SRFBP1: variants seen among roughly 807,000 people sequenced by gnomAD.
SRFBP1 encodes the protein serum response factor binding protein 1.
In SRFBP1, 47 loss-of-function variants were observed where a neutral mutation model predicts 45.5. That is an observed-to-expected ratio of 1.03 (90% CI 0.82 to 1.32). The LOEUF is 1.32. Among genes scored for constraint, SRFBP1 ranks in the 40% most tolerant of loss-of-function variants. The pLI, the probability that SRFBP1 is intolerant of heterozygous loss-of-function variation, is 0.00. For missense variants in SRFBP1, 621 were observed against 484.6 expected (o/e 1.28, Z -2.64); for synonymous variants, 203 against 166.3 (o/e 1.22, Z -1.70).
chr5:122,068,174 TA>T (rs10650287), intron 2 of SRFBP1, among the ~76,000 whole-genome samples: 52 of 115,874 alleles, frequency 4.5e-4, no homozygotes, highest in African/African-American at 1.0e-3. Flanking sequence ...TAATAACTAG[TA>T]AAAAAAAAAA....
rs150484901 is a variant in SRFBP1 at position 121,981,834 on chromosome 5, T to C, written c.198+6447T>C. ...GGTATAGCAGTCTGCTTTCATGCCATTCCTGCTGCTTAGTCAGAACTTCTT... is the reference window on the plus strand; with the variant it reads ...GGTATAGCAGTCTGCTTTCATGCCACTCCTGCTGCTTAGTCAGAACTTCTT... On this transcript the variant is annotated intron_variant, in intron 3 of 7. Coordinates refer to ENST00000339397, the MANE Select transcript of SRFBP1 (RefSeq NM_152546.3). 8.5e-3 allele frequency among the ~76,000 whole-genome samples: 1,291 copies of C among 152,130 alleles called. 10 individuals are homozygous for C. Among genetic ancestry groups the C allele is most frequent in the Non-Finnish European group, 0.013 (877 of 67,900 alleles).
chr5:121,972,852 A>G (rs538863893), intron 1 of SRFBP1, among the ~76,000 whole-genome samples: 3 of 152,010 alleles, frequency 2.0e-5, no homozygotes, highest in South Asian at 4.1e-4. Context: ...TGGCTGAGAT[A>G]GAATAGATTA....
intron 2 of SRFBP1, among the ~76,000 whole-genome samples, chr5:122,034,421 A>C (rs1462734016): frequency 6.6e-6 from 1 of 151,914 alleles, no homozygotes; most frequent in Non-Finnish European, 1.5e-5. Context: ...CCTTTTGCTT[A>C]TACTTTTTTT....
chr5:122,015,510 C>T (rs1753177621), intron 4 of SRFBP1, among the ~76,000 whole-genome samples: 1 of 152,184 alleles, frequency 6.6e-6, no homozygotes, highest in Admixed American at 6.5e-5. Flanking sequence ...GAAATGAATG[C>T]CTTTGTAAGA....
intron 2 of SRFBP1, among the ~76,000 whole-genome samples, chr5:122,052,377 G>A (rs1361792468): frequency 6.6e-6 from 1 of 152,106 alleles, no homozygotes; most frequent in African/African-American, 2.4e-5. Flanking sequence ...CTCTTTCAGG[G>A]ATGCCAGTGA....
At chr5:122,004,160 G>A (rs913968390) in intron 4 of SRFBP1, among the ~76,000 whole-genome samples, 1 of 152,164 alleles carries the variant, frequency 6.6e-6, no homozygotes, top group Non-Finnish European at 1.5e-5. Context: ...TAATTTGCTA[G>A]TGAGTTTCTT....
intron 7 of SRFBP1, among the ~76,000 whole-genome samples, chr5:122,024,115 TG>T (rs1753419317): frequency 6.6e-6 from 1 of 152,220 alleles, no homozygotes; most frequent in African/African-American, 2.4e-5. Flanking sequence ...TAGATTCTTT[TG>T]TTCTCTCTGT....
chr5:122,038,289 A>G (rs961718442), intron 2 of SRFBP1, among the ~76,000 whole-genome samples: 1 of 152,192 alleles, frequency 6.6e-6, no homozygotes, highest in Non-Finnish European at 1.5e-5. Context: ...CAAAAGCCCA[A>G]AATATAGGGT....
chr5:122,053,357 C>T (rs1230529575), intron 2 of SRFBP1, among the ~76,000 whole-genome samples: 1 of 152,090 alleles, frequency 6.6e-6, no homozygotes, highest in Non-Finnish European at 1.5e-5. Flanking sequence ...ACTTCAGAGC[C>T]GGAAGCTTTA....
At chr5:121,998,674 A>AAG (rs1554085997) in intron 4 of SRFBP1, among the ~76,000 whole-genome samples, 1 of 151,652 alleles carries the variant, frequency 6.6e-6, no homozygotes, top group Non-Finnish European at 1.5e-5. Context: ...AAAAAAAAAA[A>AAG]AACTAAGATG....
chr5:121,999,440 T>C (rs918791825), intron 4 of SRFBP1, among the ~76,000 whole-genome samples: 2 of 152,146 alleles, frequency 1.3e-5, no homozygotes, highest in South Asian at 4.1e-4. Context: ...ATATATTCTT[T>C]TGGGATATCT....
intron 2 of SRFBP1, among the ~76,000 whole-genome samples, chr5:122,038,276 G>T (rs1265797177): frequency 2.0e-5 from 3 of 152,150 alleles, no homozygotes; most frequent in African/African-American, 7.2e-5. Context: ...CGGGGAAGGA[G>T]CCCAAAAGCC....
chr5:122,041,746 A>G (rs1196546473), intron 2 of SRFBP1, among the ~76,000 whole-genome samples: 1 of 152,174 alleles, frequency 6.6e-6, no homozygotes, highest in African/African-American at 2.4e-5. Context: ...TCAGAATTAT[A>G]TCATCTAAAG....
At chr5:121,986,901 A>G (rs1169691181) in intron 3 of SRFBP1, among the ~76,000 whole-genome samples, 1 of 152,146 alleles carries the variant, frequency 6.6e-6, no homozygotes, top group African/African-American at 2.4e-5. Flanking sequence ...GAGGTAGAAA[A>G]TTTATTCAGG....
intron 3 of SRFBP1, among the ~76,000 whole-genome samples, chr5:121,978,336 A>G (rs549110336): frequency 2.6e-4 from 39 of 152,294 alleles, no homozygotes; most frequent in Non-Finnish European, 5.1e-4. Context: ...AGAACATCCT[A>G]TGATATATCC....
intron 2 of SRFBP1, among the ~76,000 whole-genome samples, chr5:122,050,961 A>G (rs572324424): frequency 1.9e-4 from 29 of 152,114 alleles, no homozygotes; most frequent in African/African-American, 6.7e-4. Flanking sequence ...TCTTCGTTCA[A>G]ATTAGTTTCT....
At chr5:122,066,576 C>A (rs1345210948) in intron 2 of SRFBP1, 3 of 523,128 alleles carry the variant, frequency 5.7e-6, no homozygotes, top group Admixed American at 3.2e-5. Flanking sequence ...CTTAAGCGTT[C>A]AAAATCCAGT....
chr5:122,040,963 T>G (rs1458545903), intron 2 of SRFBP1, among the ~76,000 whole-genome samples: 1 of 152,192 alleles, frequency 6.6e-6, no homozygotes, highest in African/African-American at 2.4e-5. Flanking sequence ...TATAAGTTTA[T>G]ATAGTTTTCA....
exon 3 of SRFBP1, chr5:122,075,412 A>G: frequency 6.2e-7 from 1 of 1,611,748 alleles, no homozygotes; most frequent in Non-Finnish European, 8.5e-7. Context: ...ACTGATGACA[A>G]CTGTGCCATT....
Sources: gnomAD v4.1 joint callset for allele counts (sites outside exome capture counted in the v4.1 genomes callset) on GRCh38, gnomAD v4.1.1 for gene constraint, MANE v1.5 for transcripts, NCBI Gene and HGNC (gene_info 2026-07-23, HGNC 2026-07-21) for gene names.